The following GRAMD1B variants were observed in gnomAD, a reference collection of about 807,000 sequenced individuals.
The protein encoded by GRAMD1B is GRAM domain containing 1B.
Under a neutral mutation model 99.7 loss-of-function variants are expected in GRAMD1B, and 37 were observed. The ratio of observed to expected loss-of-function variants is 0.37; its 90% confidence interval spans 0.29 to 0.49. The LOEUF is 0.49. GRAMD1B is among the 20% of genes least tolerant of loss of function. The pLI is 0.98. For missense variants in GRAMD1B, 888 were observed against 1,009.2 expected (o/e 0.88, Z 1.63); for synonymous variants, 427 against 387.6 (o/e 1.10, Z -1.19).
chr11:123,436,584 T>G (rs1949169611), intron 1 of GRAMD1B, among the ~76,000 whole-genome samples: 1 of 152,170 alleles, frequency 6.6e-6, no homozygotes, highest in African/African-American at 2.4e-5. Flanking sequence ...TGTCGTAGAT[T>G]CTGGAGCTTG....
intron 1 of GRAMD1B, among the ~76,000 whole-genome samples, chr11:123,433,646 GACCCCC>G (rs1828788675): frequency 6.6e-6 from 1 of 151,520 alleles, no homozygotes; most frequent in African/African-American, 2.4e-5. Context: ...GCCATGGTGA[GACCCCC>G]ACCCCCAACG....
intron 1 of GRAMD1B, among the ~76,000 whole-genome samples, chr11:123,380,424 A>G (rs1304935813): frequency 6.6e-6 from 1 of 152,246 alleles, no homozygotes; most frequent in East Asian, 1.9e-4. Context: ...GAGGAAAAAG[A>G]GTTTAGCAGA....
At chr11:123,593,416 C>T (rs1368569393) in intron 4 of GRAMD1B, among the ~76,000 whole-genome samples, 2 of 152,160 alleles carry the variant, frequency 1.3e-5, no homozygotes, top group African/African-American at 4.8e-5. Context: ...CACTGACCAG[C>T]TGAGGACCTG....
At chr11:123,439,049 A>G (rs1354708999) in intron 1 of GRAMD1B, among the ~76,000 whole-genome samples, 1 of 152,162 alleles carries the variant, frequency 6.6e-6, no homozygotes, top group Admixed American at 6.5e-5. Context: ...TCTTTCTTCC[A>G]TAGCACATAT....
chr11:123,443,389 GT>G (rs1341510130), intron 1 of GRAMD1B, among the ~76,000 whole-genome samples: 1 of 152,148 alleles, frequency 6.6e-6, no homozygotes, highest in Non-Finnish European at 1.5e-5. Flanking sequence ...GCATCAAGAG[GT>G]TCTGAGAACA....
chr11:123,576,085 ATTTGTTGCCT>A (rs1948674164), intron 2 of GRAMD1B, among the ~76,000 whole-genome samples: 1 of 151,086 alleles, frequency 6.6e-6, no homozygotes, highest in African/African-American at 2.4e-5. Flanking sequence ...GGCTCTTGGG[ATTTGTTGCCT>A]TTCTCTCTGC....
At chr11:123,586,196 C>G (rs894957865) in intron 4 of GRAMD1B, among the ~76,000 whole-genome samples, 3 of 152,146 alleles carry the variant, frequency 2.0e-5, no homozygotes, top group Admixed American at 1.3e-4. Flanking sequence ...GTCAGGGGTT[C>G]GGATGACACA....
chr11:123,537,894 C>A (rs564180932), intron 2 of GRAMD1B, among the ~76,000 whole-genome samples: 3 of 152,144 alleles, frequency 2.0e-5, no homozygotes, highest in African/African-American at 7.2e-5. Flanking sequence ...TGGTTTTTCT[C>A]GCTTGTTGCA....
chr11:123,476,301 A>G (rs968836805), intron 1 of GRAMD1B, among the ~76,000 whole-genome samples: 1 of 152,080 alleles, frequency 6.6e-6, no homozygotes, highest in African/African-American at 2.4e-5. Context: ...GGGTTTCACC[A>G]TGTTGGCCAG....
In GRAMD1B at chr11:123,618,625, A is replaced by T. The variant is rs774788522; in HGVS notation, c.2319-68A>T. The T allele has an allele frequency of 2.2e-4, 206 of 918,098 alleles. 1 individual carries two copies. Among genetic ancestry groups the T allele is most frequent in the Non-Finnish European group, 3.4e-4 (190 of 558,492 alleles). 56.9% of individuals were successfully genotyped at this position (918,098 alleles called of 1,614,324 possible). A position where few individuals can be genotyped will look rare whatever the true frequency, so the allele number is the denominator to read the frequency against. Reference sequence around the variant, plus strand: ...CCGGTCAGGGACAGCAGCCTCTGGGATGGGGGATGTCCTAGGCTCAGGTGA... The same window carrying T: ...CCGGTCAGGGACAGCAGCCTCTGGGTTGGGGGATGTCCTAGGCTCAGGTGA... On this transcript the variant is annotated intron_variant, in intron 17 of 19. Coordinates refer to ENST00000635736, the MANE Select transcript of GRAMD1B (RefSeq NM_001387025.1).
At chr11:123,534,196 C>T (rs1214590981) in intron 2 of GRAMD1B, among the ~76,000 whole-genome samples, 2 of 152,152 alleles carry the variant, frequency 1.3e-5, no homozygotes, top group African/African-American at 4.8e-5. Flanking sequence ...ATACTGTATT[C>T]TTGCAATAAA....
rs557097177 is a variant in GRAMD1B, at chr11:123,610,122, G to A, written c.1777-74G>A. ...AGCCGTGGGGTGGGGTGGGCTTGGGGAGGCTGGAGAAGGTGCTTTTCCAAG... is the reference window on the plus strand; with the variant it reads ...AGCCGTGGGGTGGGGTGGGCTTGGGAAGGCTGGAGAAGGTGCTTTTCCAAG... On this transcript the variant is annotated intron_variant, in intron 13 of 19. Coordinates refer to ENST00000635736, the MANE Select transcript of GRAMD1B (RefSeq NM_001387025.1). This position sits in a 1 kb window ranked among gnomAD's most constrained non-coding sequence, Gnocchi z 4.1. The A allele has an allele frequency of 1.4e-6, 2 of 1,443,732 alleles. No homozygotes were observed. Among genetic ancestry groups the A allele is most frequent in the Admixed American group, 1.8e-5 (1 of 55,212 alleles). The allele number at this position is 1,443,732 out of a possible 1,614,324, so 89.4% of individuals were successfully genotyped here.
chr11:123,568,228 G>A (rs571393665), intron 2 of GRAMD1B, among the ~76,000 whole-genome samples: 15 of 152,326 alleles, frequency 9.8e-5, no homozygotes, highest in African/African-American at 3.6e-4. Flanking sequence ...TACAGAGATA[G>A]GGCATGTGAG....
intron 1 of GRAMD1B, among the ~76,000 whole-genome samples, chr11:123,392,776 A>G (rs1041724804): frequency 6.6e-6 from 1 of 152,194 alleles, no homozygotes; most frequent in Non-Finnish European, 1.5e-5. Flanking sequence ...CTAATAGTTA[A>G]TATTACTCCT....
chr11:123,408,255 T>C (rs1403848747), intron 1 of GRAMD1B, among the ~76,000 whole-genome samples: 2 of 152,184 alleles, frequency 1.3e-5, no homozygotes, highest in Admixed American at 6.5e-5. Context: ...TGTCACACAA[T>C]AGAAAATGAA....
intron 3 of GRAMD1B, 55 bp downstream of exon 3, chr11:123,577,632 T>C: frequency 7.4e-7 from 1 of 1,343,062 alleles, no homozygotes; most frequent in Non-Finnish European, 1.0e-6. Flanking sequence ...CGGGGAGCGA[T>C]ATTGGGGTGG....
chr11:123,445,785 C>T (rs1949609267), intron 1 of GRAMD1B, among the ~76,000 whole-genome samples: 1 of 128,250 alleles, frequency 7.8e-6, no homozygotes, highest in Non-Finnish European at 1.6e-5. Context: ...TGCCAGTGCA[C>T]TTCAGCCTGG....
intron 2 of GRAMD1B, among the ~76,000 whole-genome samples, chr11:123,561,057 G>T (rs1453082628): frequency 6.6e-6 from 1 of 152,102 alleles, no homozygotes. Flanking sequence ...TCTGGATCAC[G>T]GAGGGGTGGC....
Position 123,359,252 on chromosome 11 carries a change from A to G in GRAMD1B, c.-176+453A>G, listed in dbSNP as rs771166989. Among the ~76,000 whole-genome samples the G allele has an allele frequency of 8.7e-4, 133 of 152,012 alleles. 2 individuals are homozygous for G. The highest frequency in any genetic ancestry group is 6.8e-3 in the Middle Eastern group (2 of 294). Reference sequence around the variant, plus strand: ...TTCTGGGCAGTGCTGCCATCTCCCTACCTGGCTGCCCCATCAGTCTTACGC... The same window carrying G: ...TTCTGGGCAGTGCTGCCATCTCCCTGCCTGGCTGCCCCATCAGTCTTACGC... On this transcript the variant is annotated intron_variant, in intron 1 of 20. Coordinates refer to the GRAMD1B transcript ENST00000638157.
Sources: allele counts gnomAD v4.1 joint callset (sites outside exome capture counted in the v4.1 genomes callset), GRCh38; gene constraint gnomAD v4.1.1; non-coding constraint Gnocchi (gnomAD v3.1); transcripts MANE v1.5; gene names NCBI Gene and HGNC (gene_info 2026-07-23, HGNC 2026-07-21).